Variants in PRKCG observed in about 807,000 individuals in gnomAD.
The protein encoded by PRKCG is protein kinase C gamma type.
In PRKCG, 28 loss-of-function variants were observed where a neutral mutation model predicts 82.0. The observed-to-expected ratio is 0.34, with a 90% CI of 0.25 to 0.47. PRKCG has a LOEUF of 0.47. Among genes scored for constraint, PRKCG ranks in the 20% least tolerant of loss-of-function variants. The probability of loss-of-function intolerance (pLI) is 1.00; values close to 1 mark genes in which losing one functional copy is unlikely to be tolerated. For synonymous variants in PRKCG, 383 were observed against 376.6 expected (o/e 1.02, Z -0.20); for missense variants, 640 against 952.7 (o/e 0.67, Z 4.32).
At position 53,906,882 on chromosome 19, in the gene PRKCG, T is replaced by TGCCCGTCA; in HGVS notation, c.2082_2089dup (p.Met697SerfsTer11). On this transcript the variant is annotated frameshift_variant, in exon 18 of 18. Coordinates refer to ENST00000263431, the MANE Select transcript of PRKCG (RefSeq NM_002739.5). LOFTEE classifies it high-confidence loss of function. ...CGCAGCCCCACCAGCCCAGTGCCTG[T>TGCCCGTCA]GCCCGTCATGTAATCTCACCCGCCG... The TGCCCGTCA allele has an allele frequency of 6.2e-7, 1 of 1,613,356 alleles. No individual in the cohort carries two copies. Among genetic ancestry groups the TGCCCGTCA allele is most frequent in the South Asian group, 1.1e-5 (1 of 91,084 alleles).
chr19:53,891,074 T>C (rs2068671751), intron 5 of PRKCG, among the ~76,000 whole-genome samples: 1 of 151,754 alleles, frequency 6.6e-6, no homozygotes, highest in African/African-American at 2.4e-5. Context: ...TATAAGGATC[T>C]TGAGAAGGGA....
intron 11 of PRKCG, 123 bp downstream of exon 11, chr19:53,898,751 C>A: frequency 7.8e-6 from 4 of 510,204 alleles, no homozygotes; most frequent in South Asian, 3.0e-5. Flanking sequence ...GTGGGCGAGG[C>A]CAGGCGGATT....
chr19:53,884,771 A>G lies in PRKCG; in HGVS notation c.285+528A>G, dbSNP rs1246881129. On this transcript the variant is annotated intron_variant, in intron 3 of 17. Coordinates refer to ENST00000263431, the MANE Select transcript of PRKCG (RefSeq NM_002739.5). The surrounding 1 kb of genome is among the most constrained non-coding windows in gnomAD (Gnocchi z 4.6). Reference sequence around the variant, plus strand: ...AACTCCAAGAGACGGAGACACAGACACCTGGAGAAAGAGACTAAAATAGAA... The same window carrying G: ...AACTCCAAGAGACGGAGACACAGACGCCTGGAGAAAGAGACTAAAATAGAA... Among the ~76,000 whole-genome samples the G allele has an allele frequency of 6.6e-6, 1 of 152,202 alleles. No homozygotes were observed. The highest frequency in any genetic ancestry group is 1.5e-5 in the Non-Finnish European group (1 of 68,038).
intron 14 of PRKCG, 137 bp from the exon 15 acceptor site, chr19:53,902,936 A>T: frequency 1.7e-6 from 1 of 605,462 alleles, no homozygotes; most frequent in Non-Finnish European, 3.1e-6. Context: ...AAATCACCTG[A>T]TGAAATAAAT....
At chr19:53,906,070 C>CT (rs1568763905) in intron 16 of PRKCG, among the ~76,000 whole-genome samples, 21 of 80,756 alleles carry the variant, frequency 2.6e-4, no homozygotes, top group Non-Finnish European at 3.4e-4. Context: ...CCTCCTCCTC[C>CT]TCCTCCTCCT....
rs765240539 is a variant in PRKCG at position 53,900,222 on chromosome 19, C to T, written c.1282-11C>T. 15 of 1,612,950 alleles carry T rather than the reference C, an allele frequency of 9.3e-6. No homozygotes were observed. The highest frequency in any genetic ancestry group is 6.7e-5 in the Admixed American group (4 of 60,006). On this transcript the variant is annotated splice_polypyrimidine_tract_variant and intron_variant, in intron 11 of 17. Coordinates refer to ENST00000263431, the MANE Select transcript of PRKCG (RefSeq NM_002739.5). The surrounding 1 kb of genome is among the most constrained non-coding windows in gnomAD (Gnocchi z 4.2). ...TGGATCCCGCCTCTAAGCCCATGCACTTCTCCGCAGGACCGCCTGTATTTC... is the reference window on the plus strand; with the variant it reads ...TGGATCCCGCCTCTAAGCCCATGCATTTCTCCGCAGGACCGCCTGTATTTC...
intron 16 of PRKCG, 105 bp from the exon 17 acceptor site, chr19:53,906,212 G>T: frequency 4.2e-6 from 6 of 1,444,326 alleles, no homozygotes; most frequent in Non-Finnish European, 5.7e-6. Context: ...TCATGCCTGT[G>T]TCTCTTGGTT....
chr19:53,898,189 G>A, intron 10 of PRKCG, 78 bp downstream of exon 10: 1 of 1,564,224 alleles, frequency 6.4e-7, no homozygotes, highest in Non-Finnish European at 8.7e-7. Context: ...GGAGGAAGTG[G>A]GGGTGGGAAG....
intron 14 of PRKCG, among the ~76,000 whole-genome samples, chr19:53,901,551 C>CA (rs57268943): frequency 0.071 from 3,242 of 45,586 alleles, 170 homozygotes; most frequent in East Asian, 0.18. Flanking sequence ...AACTTCATCT[C>CA]AAAAAAAAAA....
At position 53,897,922 on chromosome 19, in the gene PRKCG, C is replaced by G. The variant is rs1375568379; in HGVS notation, c.940-37C>G. The G allele has an allele frequency of 3.7e-6, 6 of 1,613,450 alleles. No individual in the cohort carries two copies. The East Asian group carries it at 6.7e-5, about 18-fold the overall frequency. ...GCATTTCCTTATCGCTGTGTAAGGT[C>G]TAACTGCCTCTGGCTCTTTCTTTCT... On this transcript the variant is annotated intron_variant, in intron 9 of 17. Transcript: ENST00000263431.
At chr19:53,902,590 C>T (rs1480509954) in intron 14 of PRKCG, among the ~76,000 whole-genome samples, 6 of 151,896 alleles carry the variant, frequency 4.0e-5, no homozygotes, top group African/African-American at 1.4e-4. Context: ...AGTTAGATCG[C>T]TGGCCAAAAT....
In PRKCG at chr19:53,889,005, T is replaced by C. The variant is rs307950; in HGVS notation, c.286-633T>C. Among the ~76,000 whole-genome samples, 26,739 of 151,990 alleles carry C rather than the reference T, an allele frequency of 0.18. 5,836 individuals are homozygous for C. The highest frequency in any genetic ancestry group is 0.52 in the African/African-American group (21,377 of 41,378). On this transcript the variant is annotated intron_variant, in intron 3 of 17. Transcript: ENST00000263431. This position sits in a 1 kb window ranked among gnomAD's most constrained non-coding sequence, Gnocchi z 4.4. ...TCTTGCTCTGTCATCCAGGCTGGAG[T>C]GCAGTGGCACAATCTTGGCTCACTG...
At chr19:53,887,207 T>C (rs1264632459) in intron 3 of PRKCG, among the ~76,000 whole-genome samples, 1 of 151,974 alleles carries the variant, frequency 6.6e-6, no homozygotes, top group Non-Finnish European at 1.5e-5. Context: ...TTCTTAAAAG[T>C]AACATGCAGG....
At position 53,906,938 on chromosome 19, in the gene PRKCG, G is replaced by C. The variant is rs745859353; in HGVS notation, c.*43G>C. The C allele has an allele frequency of 6.2e-7, 1 of 1,606,864 alleles. No homozygotes were observed. The highest frequency in any genetic ancestry group is 1.1e-5 in the South Asian group (1 of 90,836). On this transcript the variant is annotated 3_prime_UTR_variant, in exon 18 of 18. Transcript: ENST00000263431. ...AGGTGTCCCCAACGTCCCCTCCGCC[G>C]TGCCGGCGGCAGCCCCACTTCACCC...
At chr19:53,904,563 A>G in intron 15 of PRKCG, 72 bp from the exon 16 acceptor site, 1 of 1,323,974 alleles carries the variant, frequency 7.6e-7, no homozygotes, top group Admixed American at 1.9e-5. Flanking sequence ...CGGTGGGGTG[A>G]GGAGGGTGTG....
intron 11 of PRKCG, among the ~76,000 whole-genome samples, chr19:53,899,182 G>C (rs945277958): frequency 6.6e-6 from 1 of 151,774 alleles, no homozygotes; most frequent in Non-Finnish European, 1.5e-5. Context: ...GCATGGCCTG[G>C]CCAGGTGAAT....
chr19:53,887,269 G>A (rs756002268), intron 3 of PRKCG, among the ~76,000 whole-genome samples: 2 of 151,666 alleles, frequency 1.3e-5, no homozygotes, highest in African/African-American at 2.4e-5. Flanking sequence ...AGACCGAGGC[G>A]GGTGGATCAC....
In PRKCG at chr19:53,898,589, C is replaced by G; in HGVS notation, c.1242C>G (p.Pro414=). The G allele has an allele frequency of 6.2e-7, 1 of 1,603,836 alleles. No homozygotes were observed. The highest frequency in any genetic ancestry group is 8.5e-7 in the Non-Finnish European group (1 of 1,176,178). Residue 414 remains proline (P), a synonymous_variant, in exon 11 of 18, where the codon CCC becomes CCG. Coordinates refer to ENST00000263431, the MANE Select transcript of PRKCG (RefSeq NM_002739.5). ...GGGGCCGGGGTCCTGGCGGCCGGCC[C>G]CACTTCCTCACCCAGCTCCACTCCA... ...ALGGRGPGGR[P]HFLTQLHSTF...
intron 9 of PRKCG, among the ~76,000 whole-genome samples, chr19:53,894,413 C>CCATT (rs2068703088): frequency 1.3e-5 from 2 of 151,890 alleles, no homozygotes; most frequent in African/African-American, 4.8e-5. Flanking sequence ...CTTAATCTCT[C>CCATT]CATTCATTCA....
Sources: allele counts gnomAD v4.1 joint callset (sites outside exome capture counted in the v4.1 genomes callset), GRCh38; gene constraint gnomAD v4.1.1; non-coding constraint Gnocchi (gnomAD v3.1); transcripts MANE v1.5; gene names NCBI Gene and HGNC (gene_info 2026-07-23, HGNC 2026-07-21).